Variants in TPCN1 observed in about 807,000 individuals in gnomAD.
TPCN1 encodes two pore segment channel 1.
A neutral mutation model predicts 108.8 loss-of-function variants in TPCN1; 52 were observed. The ratio of observed to expected loss-of-function variants is 0.48; its 90% CI spans 0.38 to 0.60. TPCN1 has a LOEUF of 0.60. Among genes scored for constraint, TPCN1 ranks in the 20% least tolerant of loss-of-function variants. The pLI, the probability that TPCN1 is intolerant of heterozygous loss-of-function variation, is 0.00. For missense variants in TPCN1, 806 were observed against 1,072.8 expected (o/e 0.75, Z 3.47); for synonymous variants, 446 against 433.7 (o/e 1.03, Z -0.35).
intron 15 of TPCN1, chr12:113,280,463 T>C: frequency 5.0e-6 from 2 of 401,816 alleles, no homozygotes; most frequent in Non-Finnish European, 8.9e-6. Context: ...CTGGTCGATA[T>C]GTCTCTTGAG....
intron 3 of TPCN1, among the ~76,000 whole-genome samples, chr12:113,264,688 GA>G (rs1036180956): frequency 3.9e-4 from 56 of 144,442 alleles, no homozygotes; most frequent in African/African-American, 1.3e-3. Context: ...CAAAAAAAAA[GA>G]AAAAAAAAAG....
At chr12:113,255,531 A>T (rs571179542) in intron 2 of TPCN1, among the ~76,000 whole-genome samples, 170 of 147,064 alleles carry the variant, frequency 1.2e-3, no homozygotes, top group African/African-American at 3.9e-3. Flanking sequence ...TTATTAATTA[A>T]TTTTTTTTTT....
chr12:113,285,828 G>T, intron 17 of TPCN1, 61 bp from the exon 18 acceptor site: 5 of 1,446,974 alleles, frequency 3.5e-6, no homozygotes, highest in Non-Finnish European at 4.9e-6. Context: ...CCTCAAAGAG[G>T]AGACCGAGCA....
intron 1 of TPCN1, among the ~76,000 whole-genome samples, chr12:113,222,709 C>T (rs1283033614): frequency 1.3e-5 from 2 of 152,144 alleles, no homozygotes; most frequent in Non-Finnish European, 2.9e-5. Flanking sequence ...ATGAACAACC[C>T]CCCTGCCTCT....
In TPCN1 at chr12:113,266,408, C is replaced by A; in HGVS notation, c.414+52C>A. On this transcript the variant is annotated intron_variant, in intron 4 of 27. Coordinates refer to ENST00000335509, the MANE Select transcript of TPCN1 (RefSeq NM_017901.6). This position sits in a 1 kb window ranked among gnomAD's most constrained non-coding sequence, Gnocchi z 4.2. Reference sequence around the variant, plus strand: ...GGGCTGGGAGCCACGGCTTTCAGGGCAAGCGATGGAACTCCAAAAAGGAAC... The same window carrying A: ...GGGCTGGGAGCCACGGCTTTCAGGGAAAGCGATGGAACTCCAAAAAGGAAC... The A allele has an allele frequency of 6.3e-7, 1 of 1,586,322 alleles. No homozygotes were observed.
At chr12:113,264,448 G>A (rs529793280) in intron 3 of TPCN1, among the ~76,000 whole-genome samples, 103 of 152,274 alleles carry the variant, frequency 6.8e-4, no homozygotes, top group Non-Finnish European at 9.3e-4. Flanking sequence ...GGAGGCTGAG[G>A]TGGGCAGATC....
intron 3 of TPCN1, among the ~76,000 whole-genome samples, chr12:113,263,871 C>T (rs960433110): frequency 2.6e-5 from 4 of 152,150 alleles, no homozygotes; most frequent in Admixed American, 6.5e-5. Flanking sequence ...AGCCAGGAAA[C>T]AGGGCCGATA....
rs984441841 is a variant in TPCN1, at chr12:113,272,728, A to G, written c.783+36A>G. On this transcript the variant is annotated intron_variant, in intron 8 of 27. Transcript: ENST00000335509. The surrounding 1 kb of genome is among the most constrained non-coding windows in gnomAD (Gnocchi z 4.1). ...AGCACATTTGTCCGTCTCTTCTTTT[A>G]TGGAGGGCTTTTCCCTCAGACAGGG... The G allele has an allele frequency of 6.2e-7, 1 of 1,604,634 alleles. No individual in the cohort carries two copies. The highest frequency in any genetic ancestry group is 1.3e-5 in the African/African-American group (1 of 74,810).
chr12:113,230,511 C>T (rs972489549), intron 2 of TPCN1, among the ~76,000 whole-genome samples: 1 of 151,998 alleles, frequency 6.6e-6, no homozygotes, highest in African/African-American at 2.4e-5. Flanking sequence ...TGCTGTGTCC[C>T]CACGTGATTG....
intron 15 of TPCN1, among the ~76,000 whole-genome samples, chr12:113,281,546 GTTTT>G (rs1955886030): frequency 6.6e-6 from 1 of 152,110 alleles, no homozygotes; most frequent in African/African-American, 2.4e-5. Context: ...ATTACTGTGG[GTTTT>G]TTTGTTTGTT....
chr12:113,251,792 G>A (rs2136532581), intron 2 of TPCN1, among the ~76,000 whole-genome samples: 1 of 152,382 alleles, frequency 6.6e-6, no homozygotes, highest in South Asian at 2.1e-4. Flanking sequence ...CTGCAGGCAA[G>A]CCATGGAAGG....
intron 14 of TPCN1, 41 bp from the exon 15 acceptor site, chr12:113,280,110 G>A (rs1385936818): frequency 6.7e-7 from 1 of 1,489,352 alleles, no homozygotes; most frequent in Admixed American, 1.7e-5. Context: ...GGGGGAACAA[G>A]TGCGTAAATT....
At chr12:113,280,353 C>G (rs906687681) in intron 15 of TPCN1, 158 bp downstream of exon 15, 2 of 550,492 alleles carry the variant, frequency 3.6e-6, no homozygotes, top group African/African-American at 3.7e-5. Flanking sequence ...CATTACCACA[C>G]GCATCCCCGT....
chr12:113,260,514 C>G, intron 3 of TPCN1, 22 bp downstream of exon 3: 4 of 1,563,864 alleles, frequency 2.6e-6, no homozygotes, highest in Non-Finnish European at 3.4e-6. Flanking sequence ...CAGTCAGGCC[C>G]TGGCAGTTGT....
intron 14 of TPCN1, 57 bp from the exon 15 acceptor site, chr12:113,280,094 A>C (rs1439882833): frequency 2.3e-6 from 3 of 1,325,654 alleles, no homozygotes; most frequent in Non-Finnish European, 3.3e-6. Flanking sequence ...AATTAAGGAT[A>C]CAGTAGGGGG....
chr12:113,267,754 G>A, intron 4 of TPCN1, 89 bp from the exon 5 acceptor site: 2 of 834,066 alleles, frequency 2.4e-6, no homozygotes, highest in East Asian at 2.5e-5. Flanking sequence ...GATGTCCTGG[G>A]GCACTCCCAG....
intron 2 of TPCN1, among the ~76,000 whole-genome samples, chr12:113,236,221 G>T (rs560992025): frequency 1.3e-4 from 20 of 152,312 alleles, no homozygotes; most frequent in African/African-American, 4.1e-4. Flanking sequence ...GACACGGGGT[G>T]CCTACTGTGT....
chr12:113,275,216 T>C (rs1955630487), intron 10 of TPCN1, among the ~76,000 whole-genome samples: 1 of 152,184 alleles, frequency 6.6e-6, no homozygotes, highest in Non-Finnish European at 1.5e-5. Context: ...CCAGGTAGAC[T>C]TGTGAAATCT....
chr12:113,278,061 A>G (rs779955924), intron 12 of TPCN1, 128 bp from the exon 13 acceptor site: 35 of 712,300 alleles, frequency 4.9e-5, no homozygotes, highest in Non-Finnish European at 7.8e-5. Flanking sequence ...CTGTGCTGGG[A>G]CTCACATGGT....
Sources: gnomAD v4.1 joint callset for allele counts (sites outside exome capture counted in the v4.1 genomes callset) on GRCh38, gnomAD v4.1.1 for gene constraint, Gnocchi (gnomAD v3.1) non-coding constraint, MANE v1.5 for transcripts, NCBI Gene and HGNC (gene_info 2026-07-23, HGNC 2026-07-21) for gene names.